Variants in SLC45A4 observed in about 807,000 individuals in gnomAD.
SLC45A4 encodes the protein polyamine-transporter SLC45A4.
A neutral mutation model predicts 63.7 loss-of-function variants in SLC45A4; 32 were observed. That is an observed-to-expected ratio of 0.50 (90% CI 0.38 to 0.67). The LOEUF (loss-of-function observed/expected upper bound fraction) is 0.67, where lower values mean the gene tolerates loss of function less well. Ranked by LOEUF, SLC45A4 falls within the 30% of genes least tolerant of loss-of-function variation. The pLI is 0.00. For missense variants in SLC45A4, 1,027 were observed against 1,157.7 expected, an observed-to-expected ratio of 0.89 and a Z score of 1.64; for synonymous variants, 535 against 510.0, an observed-to-expected ratio of 1.05 and a Z score of -0.66.
Position 141,218,012 on chromosome 8 carries a change from T to G in SLC45A4, c.1628A>C (p.Lys543Thr). ...CCGCTCCGGTGGCCGAGCACTCACC[T>G]TGGGGTCGCCTTCGAAGATGACCTG... is the stretch of plus-strand genomic sequence containing the variant. ...MGQVIFEGDP[K>T]APSNSTAWQA... is the part of the protein sequence containing the mutation. The change falls in exon 5 of 9, where the codon AAG (lysine) becomes ACG (threonine). Residue 543 changes from lysine (K) to threonine (T), a missense_variant and splice_region_variant. Lys to Thr is a moderately conservative substitution (Grantham distance 78). Coordinates refer to ENST00000517878, the MANE Select transcript of SLC45A4 (RefSeq NM_001286646.2). 6.9e-6 allele frequency: 11 copies of G among 1,597,674 alleles called. No homozygotes were observed. The highest frequency in any genetic ancestry group is 9.4e-6 in the Non-Finnish European group (11 of 1,171,762).
chr8:141,252,207 T>C (rs1200073579), intron 2 of SLC45A4: 2 of 152,024 alleles, frequency 1.3e-5, no homozygotes, highest in African/African-American at 4.8e-5. Context: ...AAAACTTCCT[T>C]AGGTCATAAA....
At chr8:141,273,894 G>A (rs935939829) in intron 1 of SLC45A4, among the ~76,000 whole-genome samples, 3 of 152,282 alleles carry the variant, frequency 2.0e-5, no homozygotes, top group Non-Finnish European at 2.9e-5. Flanking sequence ...GAAGTATGAC[G>A]GATATTTCAG....
rs1563680356 is a variant in SLC45A4 at position 141,294,133 on chromosome 8, A to ACCAGGGTCTCCGTG, written c.-401+13962_-401+13963insCACGGAGACCCTGG. The stretch of plus-strand genomic sequence containing the variant: ...TGAGTCCGTGGCCCAGGATCTCTGT[A>ACCAGGGTCTCCGTG]GACCAGGGTCTCCGTGGACCAGGGT... On this transcript the variant is annotated intron_variant, in intron 1 of 8. Transcript: ENST00000517878. 1.7e-3 allele frequency among the ~76,000 whole-genome samples: 254 copies of ACCAGGGTCTCCGTG among 152,160 alleles called. 2 individuals carry two copies. The highest frequency in any genetic ancestry group is 5.9e-3 in the African/African-American group (246 of 41,452).
intron 1 of SLC45A4, among the ~76,000 whole-genome samples, chr8:141,298,116 T>C (rs1308903564): frequency 2.6e-5 from 4 of 152,106 alleles, no homozygotes; most frequent in Non-Finnish European, 5.9e-5. Context: ...GCAAAGCCCT[T>C]CCCTTCATCC....
chr8:141,281,548 G>A (rs933563817), intron 1 of SLC45A4, among the ~76,000 whole-genome samples: 8 of 152,170 alleles, frequency 5.3e-5, no homozygotes, highest in South Asian at 2.1e-4. Flanking sequence ...GTGGCCCCTC[G>A]ACTGCTCTCA....
intron 2 of SLC45A4, among the ~76,000 whole-genome samples, chr8:141,253,493 G>T (rs1828620818): frequency 6.6e-6 from 1 of 152,212 alleles, no homozygotes; most frequent in Non-Finnish European, 1.5e-5. Context: ...ATCTCCCACA[G>T]CCAGGCACTG....
intron 1 of SLC45A4, among the ~76,000 whole-genome samples, chr8:141,259,867 T>C (rs922867818): frequency 6.6e-6 from 1 of 152,168 alleles, no homozygotes; most frequent in Non-Finnish European, 1.5e-5. Context: ...ATTTGTTAAA[T>C]GAACAAATGA....
At chr8:141,214,432 TTAA>T (rs961263956) in intron 7 of SLC45A4, among the ~76,000 whole-genome samples, 1 of 152,068 alleles carries the variant, frequency 6.6e-6, no homozygotes, top group East Asian at 1.9e-4. Context: ...GTGCTGAGGA[TTAA>T]TAATAGAAGG....
intron 1 of SLC45A4, among the ~76,000 whole-genome samples, chr8:141,284,880 C>T (rs1319859034): frequency 1.3e-5 from 2 of 152,210 alleles, no homozygotes; most frequent in African/African-American, 4.8e-5. Flanking sequence ...CCCCCTGCCC[C>T]GCCCCTGTCC....
intron 2 of SLC45A4, among the ~76,000 whole-genome samples, chr8:141,251,191 G>A (rs753361088): frequency 5.3e-5 from 8 of 152,112 alleles, no homozygotes; most frequent in Admixed American, 1.3e-4. Context: ...TGATTAGCTC[G>A]GTGCCAAGTC....
At chr8:141,251,719 G>A (rs998220681) in intron 2 of SLC45A4, among the ~76,000 whole-genome samples, 5 of 151,940 alleles carry the variant, frequency 3.3e-5, no homozygotes, top group African/African-American at 9.7e-5. Context: ...AAAGACACAG[G>A]ATTGCAGACG....
intron 1 of SLC45A4, among the ~76,000 whole-genome samples, chr8:141,283,177 T>C (rs1830015497): frequency 6.6e-6 from 1 of 152,236 alleles, no homozygotes; most frequent in South Asian, 2.1e-4. Context: ...ATGAGATTCC[T>C]CAAGTCCTGA....
intron 1 of SLC45A4, among the ~76,000 whole-genome samples, chr8:141,277,593 T>C (rs1829774132): frequency 6.6e-6 from 1 of 152,070 alleles, no homozygotes; most frequent in Admixed American, 6.5e-5. Context: ...CACTAAAAAG[T>C]CCACCCTTTT....
chr8:141,303,125 G>A (rs1284562827), intron 1 of SLC45A4, among the ~76,000 whole-genome samples: 1 of 150,908 alleles, frequency 6.6e-6, no homozygotes, highest in East Asian at 1.9e-4. Context: ...AGCCTCTCGA[G>A]TAGTTGGGAC....
chr8:141,269,050 A>T (rs1336159632), intron 1 of SLC45A4, among the ~76,000 whole-genome samples: 1 of 152,256 alleles, frequency 6.6e-6, no homozygotes, highest in Non-Finnish European at 1.5e-5. Flanking sequence ...GCTCCACCCC[A>T]GACCCACTGG....
chr8:141,286,996 T>G (rs1298934144), intron 1 of SLC45A4, among the ~76,000 whole-genome samples: 7 of 152,086 alleles, frequency 4.6e-5, no homozygotes, highest in Admixed American at 2.6e-4. Flanking sequence ...CACCAAATCC[T>G]AAGACTATCA....
At chr8:141,297,396 A>G (rs1321444687) in intron 1 of SLC45A4, among the ~76,000 whole-genome samples, 1 of 152,250 alleles carries the variant, frequency 6.6e-6, no homozygotes, top group African/African-American at 2.4e-5. Flanking sequence ...ATAAATCCCC[A>G]GATGGACAAG....
chr8:141,236,457 A>G (rs1411868122), intron 2 of SLC45A4, among the ~76,000 whole-genome samples: 1 of 152,254 alleles, frequency 6.6e-6, no homozygotes, highest in East Asian at 1.9e-4. Context: ...TTCACAAGCT[A>G]GAAAATACGT....
chr8:141,222,120 G>A (rs1166375953), intron 2 of SLC45A4, among the ~76,000 whole-genome samples: 1 of 152,198 alleles, frequency 6.6e-6, no homozygotes, highest in African/African-American at 2.4e-5. Context: ...CCTCCACACT[G>A]CTGGTGCTGT....
Sources: allele counts gnomAD v4.1 joint callset (sites outside exome capture counted in the v4.1 genomes callset), GRCh38; gene constraint gnomAD v4.1.1; transcripts MANE v1.5; gene names NCBI Gene and HGNC (gene_info 2026-07-23, HGNC 2026-07-21).